DAAM2: variants seen among roughly 807,000 people sequenced by gnomAD.
DAAM2 encodes the protein disheveled-associated activator of morphogenesis 2.
Under a neutral mutation model 120.7 loss-of-function variants are expected in DAAM2, and 39 were observed. That is an observed-to-expected ratio of 0.32 (90% CI 0.25 to 0.42). DAAM2 has a LOEUF of 0.42. DAAM2 is among the 10% of genes least tolerant of loss of function. DAAM2 has a pLI of 1.00. For synonymous variants in DAAM2, 488 were observed against 524.9 expected (o/e 0.93, Z 0.96); for missense variants, 1,283 against 1,401.7 (o/e 0.92, Z 1.35).
intron 15 of DAAM2, chr6:39,884,343 A>G: frequency 5.8e-6 from 2 of 345,624 alleles, no homozygotes; most frequent in Non-Finnish European, 1.1e-5. Flanking sequence ...TATGGTTCAT[A>G]TTTATACACC....
intron 3 of DAAM2, among the ~76,000 whole-genome samples, chr6:39,863,352 T>G (rs1764292926): frequency 6.6e-6 from 1 of 152,184 alleles, no homozygotes; most frequent in Non-Finnish European, 1.5e-5. Flanking sequence ...TAACCATGAT[T>G]AAATTTAACA....
chr6:39,897,125 C>T (rs192917150), intron 20 of DAAM2, 50 bp from the exon 21 acceptor site: 54 of 1,540,722 alleles, frequency 3.5e-5, no homozygotes, highest in East Asian at 2.0e-4. Context: ...CTCTGACCCT[C>T]GTGCCCAGTT....
intron 1 of DAAM2, among the ~76,000 whole-genome samples, chr6:39,845,274 C>T (rs1276312365): frequency 3.4e-5 from 2 of 59,614 alleles, no homozygotes; most frequent in Non-Finnish European, 6.9e-5. Context: ...ACCACACATA[C>T]ACAAACCCCA....
chr6:39,887,047 C>T (rs1014224693), intron 15 of DAAM2: 1 of 157,732 alleles, frequency 6.3e-6, no homozygotes, highest in Admixed American at 6.4e-5. Context: ...GGGTTTGCAA[C>T]CAGGTTCTCA....
At chr6:39,793,521 A>T (rs1285925308) in intron 1 of DAAM2, among the ~76,000 whole-genome samples, 1 of 151,318 alleles carries the variant, frequency 6.6e-6, no homozygotes, top group Non-Finnish European at 1.5e-5. Context: ...GGAAAATCAC[A>T]CCTCTCCGGA....
intron 1 of DAAM2, among the ~76,000 whole-genome samples, chr6:39,795,989 T>A (rs932842558): frequency 6.6e-6 from 1 of 151,930 alleles, no homozygotes; most frequent in African/African-American, 2.4e-5. Flanking sequence ...CAAGCCTGAG[T>A]CAGAGAGCGG....
chr6:39,807,953 G>A (rs967658525), intron 1 of DAAM2, among the ~76,000 whole-genome samples: 1 of 152,186 alleles, frequency 6.6e-6, no homozygotes, highest in African/African-American at 2.4e-5. Flanking sequence ...AGAGTGAACA[G>A]GAAGCTGTCT....
chr6:39,873,487 G>C, intron 10 of DAAM2, 132 bp downstream of exon 10: 2 of 669,394 alleles, frequency 3.0e-6, no homozygotes, highest in South Asian at 3.5e-5. Context: ...CTTTTGGGAG[G>C]GCAGGCCCCA....
intron 1 of DAAM2, among the ~76,000 whole-genome samples, chr6:39,826,871 C>T (rs541091754): frequency 6.6e-6 from 1 of 152,058 alleles, no homozygotes; most frequent in African/African-American, 2.4e-5. Flanking sequence ...TTCTAAGTAC[C>T]CTTCAAGCTT....
At chr6:39,868,093 G>T in intron 6 of DAAM2, 2 of 503,950 alleles carry the variant, frequency 4.0e-6, no homozygotes, top group Non-Finnish European at 7.1e-6. Flanking sequence ...TTAGTCAGTG[G>T]GTTCCTGGAA....
In DAAM2 at chr6:39,901,494, G is replaced by T. The variant is rs779754237; in HGVS notation, c.2982+22G>T. 3.1e-6 allele frequency: 5 copies of T among 1,593,232 alleles called. No individual in the cohort carries two copies. On this transcript the variant is annotated intron_variant, in intron 24 of 24. Transcript: ENST00000274867. The surrounding 1 kb of genome is among the most constrained non-coding windows in gnomAD (Gnocchi z 4.5). ...CATGGTGAGGGGCAGTGCCAGGCCTGGGACTGAGGGGAGACGGGTGCTACT... is the reference window on the plus strand; with the variant it reads ...CATGGTGAGGGGCAGTGCCAGGCCTTGGACTGAGGGGAGACGGGTGCTACT...
intron 1 of DAAM2, among the ~76,000 whole-genome samples, chr6:39,851,824 T>C (rs958814801): frequency 1.3e-5 from 2 of 152,176 alleles, no homozygotes; most frequent in Admixed American, 1.3e-4. Context: ...ACCCTGCCAT[T>C]GCACAGAAAG....
intron 1 of DAAM2, among the ~76,000 whole-genome samples, chr6:39,830,186 G>A (rs1166839416): frequency 1.3e-5 from 2 of 152,200 alleles, no homozygotes; most frequent in African/African-American, 4.8e-5. Flanking sequence ...ATGCCCATGG[G>A]GCAATGCTGG....
chr6:39,886,560 C>T (rs574048826), intron 15 of DAAM2: 46 of 398,392 alleles, frequency 1.2e-4, no homozygotes, highest in African/African-American at 8.6e-4. Context: ...TACCTTATTC[C>T]CCATTCATAC....
At chr6:39,873,397 C>A (rs1764743095) in intron 10 of DAAM2, 42 bp downstream of exon 10, 1 of 1,409,852 alleles carries the variant, frequency 7.1e-7, no homozygotes. Flanking sequence ...CTGGCCTGAA[C>A]CTTGACTTGG....
chr6:39,888,831 C>T, intron 17 of DAAM2, 68 bp downstream of exon 17: 1 of 1,217,528 alleles, frequency 8.2e-7, no homozygotes, highest in Non-Finnish European at 1.2e-6. Context: ...CCCAACAGCC[C>T]CCAGGAGGCT....
At chr6:39,809,046 G>C (rs1269307394) in intron 1 of DAAM2, among the ~76,000 whole-genome samples, 1 of 152,184 alleles carries the variant, frequency 6.6e-6, no homozygotes, top group Non-Finnish European at 1.5e-5. Flanking sequence ...TTAATGAGAA[G>C]GCTATTTACA....
chr6:39,894,358 C>T (rs767876778), intron 19 of DAAM2, among the ~76,000 whole-genome samples: 3 of 152,134 alleles, frequency 2.0e-5, no homozygotes, highest in Non-Finnish European at 4.4e-5. Context: ...GAAACTTTCC[C>T]AAGTATTCTT....
At chr6:39,828,596 C>T (rs993996487) in intron 1 of DAAM2, among the ~76,000 whole-genome samples, 10 of 130,700 alleles carry the variant, frequency 7.7e-5, no homozygotes, top group African/African-American at 3.5e-4. Context: ...CGGATTCTTG[C>T]TCTGTCGCCA....
Sources: gnomAD v4.1 joint callset for allele counts (sites outside exome capture counted in the v4.1 genomes callset) on GRCh38, gnomAD v4.1.1 for gene constraint, Gnocchi (gnomAD v3.1) non-coding constraint, MANE v1.5 for transcripts, NCBI Gene and HGNC (gene_info 2026-07-23, HGNC 2026-07-21) for gene names.